ASIP: variants seen among roughly 807,000 people sequenced by gnomAD.
The protein encoded by ASIP is agouti-signaling protein.
Under a neutral mutation model 10.3 loss-of-function variants are expected in ASIP, and 11 were observed. That is an observed-to-expected ratio of 1.07 (90% CI 0.68 to 1.78). ASIP has a LOEUF of 1.78. Among genes scored for constraint, ASIP ranks in the 40% most tolerant of loss-of-function variants. The pLI is 0.00. For missense variants in ASIP, 180 were observed against 169.2 expected, an observed-to-expected ratio of 1.06 and a Z score of -0.35; for synonymous variants, 70 against 70.8, an observed-to-expected ratio of 0.99 and a Z score of 0.06.
chr20:34,213,790 C>T (rs1444287486), intron 1 of ASIP: 4 of 1,507,576 alleles, frequency 2.7e-6, no homozygotes, highest in Admixed American at 1.7e-5. Flanking sequence ...TAAGGGACAA[C>T]TGAGGGCCAG....
upstream of ASIP, among the ~76,000 whole-genome samples, chr20:34,189,932 G>T (rs912183603): frequency 2.6e-5 from 4 of 152,156 alleles, no homozygotes; most frequent in African/African-American, 7.2e-5. Context: ...CGGTCCGGTG[G>T]ACTGCTGCCT....
At chr20:34,234,460 GCTTT>G (rs747945133) in intron 1 of ASIP, among the ~76,000 whole-genome samples, 6 of 152,100 alleles carry the variant, frequency 3.9e-5, no homozygotes, top group Non-Finnish European at 5.9e-5. Flanking sequence ...GGCGCTATCA[GCTTT>G]CTTTCTTTCT....
At chr20:34,248,448 G>A (rs946331271) in intron 1 of ASIP, among the ~76,000 whole-genome samples, 4 of 152,124 alleles carry the variant, frequency 2.6e-5, no homozygotes, top group African/African-American at 9.7e-5. Flanking sequence ...AGAGTTAGCT[G>A]GAAATCATTG....
intron 1 of ASIP, among the ~76,000 whole-genome samples, chr20:34,209,826 A>G (rs2034961740): frequency 6.6e-6 from 1 of 152,196 alleles, no homozygotes; most frequent in East Asian, 1.9e-4. Context: ...TGGGAGGCAG[A>G]CAGGCTCCTG....
At chr20:34,243,427 T>C (rs959651903) in intron 1 of ASIP, among the ~76,000 whole-genome samples, 1 of 152,188 alleles carries the variant, frequency 6.6e-6, no homozygotes, top group Non-Finnish European at 1.5e-5. Flanking sequence ...GCCCAAGAGA[T>C]CAAATAATTT....
At chr20:34,217,652 CTT>C (rs1439929202) in intron 1 of ASIP, among the ~76,000 whole-genome samples, 2 of 151,996 alleles carry the variant, frequency 1.3e-5, no homozygotes, top group Non-Finnish European at 2.9e-5. Flanking sequence ...ACCTCCGCCT[CTT>C]GGGTTCACGC....
intron 1 of ASIP, among the ~76,000 whole-genome samples, chr20:34,203,590 T>C (rs1210901503): frequency 3.3e-5 from 5 of 151,682 alleles, no homozygotes; most frequent in Admixed American, 2.0e-4. Flanking sequence ...AGAGACAGGG[T>C]TTCGCCACGT....
intron 1 of ASIP, among the ~76,000 whole-genome samples, chr20:34,258,702 A>G (rs1230708003): frequency 4.2e-5 from 4 of 94,848 alleles, no homozygotes; most frequent in Non-Finnish European, 8.2e-5. Context: ...CATACTATAT[A>G]TATATATTAT....
intron 1 of ASIP, among the ~76,000 whole-genome samples, chr20:34,210,513 C>T (rs555698910): frequency 6.6e-6 from 1 of 152,374 alleles, no homozygotes; most frequent in Admixed American, 6.5e-5. Context: ...CCCATGCTTG[C>T]TCACTCACAC....
At chr20:34,201,060 CTTT>C (rs757662623) in intron 1 of ASIP, among the ~76,000 whole-genome samples, 4 of 94,120 alleles carry the variant, frequency 4.2e-5, no homozygotes, top group African/African-American at 1.1e-4. Context: ...TTCTTTCTTT[CTTT>C]TTTTTCCTCC....
upstream of ASIP, among the ~76,000 whole-genome samples, chr20:34,240,742 G>A (rs147565670): frequency 1.1e-4 from 16 of 152,196 alleles, no homozygotes; most frequent in African/African-American, 2.4e-4. Context: ...GTTTTATTCC[G>A]TCTCTTGGGA....
intron 1 of ASIP, among the ~76,000 whole-genome samples, chr20:34,243,470 T>C (rs2122609981): frequency 6.6e-6 from 1 of 151,706 alleles, no homozygotes; most frequent in South Asian, 2.1e-4. Flanking sequence ...TTCTGAATTT[T>C]TTTTTACACA....
At chr20:34,195,878 GTAACCCCCA>G (rs1047449782) in intron 1 of ASIP, among the ~76,000 whole-genome samples, 4 of 152,082 alleles carry the variant, frequency 2.6e-5, no homozygotes, top group Non-Finnish European at 4.4e-5. Flanking sequence ...GTCCAGCGCA[GTAACCCCCA>G]TAACCCCCAT....
intron 1 of ASIP, among the ~76,000 whole-genome samples, chr20:34,233,446 C>A (rs749719872): frequency 2.0e-5 from 3 of 152,030 alleles, no homozygotes; most frequent in Non-Finnish European, 2.9e-5. Context: ...CGCGCCCGGC[C>A]CACATGGATA....
chr20:34,241,488 A>G lies in ASIP; in HGVS notation c.-12A>G. 1 of 985,494 alleles carries G rather than the reference A, an allele frequency of 1.0e-6. No homozygotes were observed. The highest frequency in any genetic ancestry group is 4.7e-5 in the South Asian group (1 of 21,294). 61.0% of individuals were successfully genotyped at this position (985,494 alleles called of 1,614,324 possible). On this transcript the variant is annotated splice_region_variant and 5_prime_UTR_variant, in exon 1 of 4. An upstream start codon of the reference 5' UTR is lost. Coordinates refer to ENST00000374954, the MANE Select transcript of ASIP (RefSeq NM_001672.3). ...TGGCCTGGGCTCTTTGCGGGAAAGC[A>G]TGTGAGTTTAGATGGCAACTTTAAT... is the stretch of plus-strand genomic sequence containing the variant.
intron 1 of ASIP, among the ~76,000 whole-genome samples, chr20:34,196,129 A>G (rs1316171955): frequency 6.6e-6 from 1 of 151,114 alleles, no homozygotes; most frequent in Admixed American, 6.6e-5. Context: ...TGGGCAAAAG[A>G]GATAAGGAAC....
upstream of ASIP, among the ~76,000 whole-genome samples, chr20:34,239,195 C>T (rs2035250711): frequency 6.6e-6 from 1 of 152,068 alleles, no homozygotes; most frequent in Non-Finnish European, 1.5e-5. Flanking sequence ...CCATCAGACT[C>T]AGTATGTTCC....
At chr20:34,233,246 C>G (rs958270391) in intron 1 of ASIP, among the ~76,000 whole-genome samples, 1 of 147,356 alleles carries the variant, frequency 6.8e-6, no homozygotes, top group African/African-American at 2.6e-5. Context: ...CTCCTGGGTT[C>G]ACCCCATTCT....
chr20:34,254,330 T>C (rs2035533652), intron 1 of ASIP, among the ~76,000 whole-genome samples: 1 of 152,254 alleles, frequency 6.6e-6, no homozygotes. Flanking sequence ...CCCAAAGTGC[T>C]GGGATTATAG....
Sources: gnomAD v4.1 joint callset for allele counts (sites outside exome capture counted in the v4.1 genomes callset) on GRCh38, gnomAD v4.1.1 for gene constraint, MANE v1.5 for transcripts, NCBI Gene and HGNC (gene_info 2026-07-23, HGNC 2026-07-21) for gene names.